Variants in LOXHD1 observed in about 807,000 individuals in gnomAD.
LOXHD1 encodes the protein lipoxygenase homology domain-containing protein 1.
Under a neutral mutation model 248.2 loss-of-function variants are expected in LOXHD1, and 205 were observed. The observed-to-expected ratio is 0.83, with a 90% CI of 0.74 to 0.93. LOXHD1 has a LOEUF of 0.93. Among genes scored for constraint, LOXHD1 ranks in the 40% least tolerant of loss-of-function variants. The pLI, the probability that LOXHD1 is intolerant of heterozygous loss-of-function variation, is 0.00. For synonymous variants in LOXHD1, 1,113 were observed against 1,162.8 expected (o/e 0.96, Z 0.87); for missense variants, 2,930 against 2,971.6 (o/e 0.99, Z 0.33).
At chr18:46,570,364 G>A (rs2037728675) in intron 15 of LOXHD1, among the ~76,000 whole-genome samples, 1 of 152,246 alleles carries the variant, frequency 6.6e-6, no homozygotes, top group African/African-American at 2.4e-5. Context: ...CTTGGGCAAA[G>A]AGGAGGAAGC....
intron 29 of LOXHD1, among the ~76,000 whole-genome samples, chr18:46,528,603 G>A (rs1335219744): frequency 6.6e-6 from 1 of 152,274 alleles, no homozygotes; most frequent in East Asian, 1.9e-4. Context: ...CTGGGAGGGA[G>A]TGGGGTGTCC....
chr18:46,560,734 T>C (rs1057004482), intron 18 of LOXHD1, among the ~76,000 whole-genome samples, 189 bp from the exon 19 acceptor site: 1 of 152,204 alleles, frequency 6.6e-6, no homozygotes, highest in African/African-American at 2.4e-5. Flanking sequence ...CTGGGTCCCC[T>C]GGGATTACCT....
chr18:46,576,020 C>G (rs554441727), intron 14 of LOXHD1, among the ~76,000 whole-genome samples: 1 of 152,312 alleles, frequency 6.6e-6, no homozygotes, highest in East Asian at 1.9e-4. Context: ...CTCAACATCC[C>G]TCTGCAGGCA....
At chr18:46,507,760 C>A (rs1194020168) in intron 35 of LOXHD1, 48 bp from the exon 36 acceptor site, 11 of 1,514,980 alleles carry the variant, frequency 7.3e-6, no homozygotes, top group Non-Finnish European at 8.0e-6. Context: ...TCCCTCACCT[C>A]CACCAGCACC....
chr18:46,500,479 C>T (rs1356661703), intron 37 of LOXHD1, among the ~76,000 whole-genome samples: 2 of 152,186 alleles, frequency 1.3e-5, no homozygotes, highest in Non-Finnish European at 2.9e-5. Flanking sequence ...TGCTTTTTCT[C>T]CATTCCCACT....
chr18:46,591,636 G>T lies in LOXHD1; in HGVS notation c.1654+297C>A, dbSNP rs558211320. ...GCAAGAGGATATTTCCTTTCAAGGA[G>T]GCTCTGGAGAACTATTGCTCAGGGC... is the stretch of plus-strand genomic sequence containing the variant. On this transcript the variant is annotated intron_variant, in intron 12 of 40. Transcript: ENST00000642948. Among the ~76,000 whole-genome samples, 6 of 152,288 alleles carry T rather than the reference G, an allele frequency of 3.9e-5. No homozygotes were observed. In the South Asian group the frequency reaches 1.2e-3, roughly 32 times the overall value.
intron 32 of LOXHD1, among the ~76,000 whole-genome samples, chr18:46,521,507 T>A (rs1278110521): frequency 6.6e-6 from 1 of 152,120 alleles, no homozygotes; most frequent in Non-Finnish European, 1.5e-5. Context: ...AAAGCATATC[T>A]AGATGTCAGA....
chr18:46,498,911 T>C (rs960198561), intron 37 of LOXHD1, among the ~76,000 whole-genome samples: 3 of 152,180 alleles, frequency 2.0e-5, no homozygotes, highest in Non-Finnish European at 2.9e-5. Flanking sequence ...TCTGATATAA[T>C]TGTTGCATCT....
At chr18:46,500,215 C>T (rs188424176) in intron 37 of LOXHD1, among the ~76,000 whole-genome samples, 25 of 152,310 alleles carry the variant, frequency 1.6e-4, no homozygotes, top group Non-Finnish European at 1.5e-5. Flanking sequence ...CTCTGTTATT[C>T]ACTCTTTATT....
chr18:46,490,881 G>C (rs2033423280), intron 37 of LOXHD1, among the ~76,000 whole-genome samples: 1 of 152,226 alleles, frequency 6.6e-6, no homozygotes, highest in African/African-American at 2.4e-5. Context: ...TGCTTTCTGA[G>C]ATGCTTCCTG....
intron 8 of LOXHD1, among the ~76,000 whole-genome samples, chr18:46,597,870 T>C (rs328139): frequency 0.76 from 115,384 of 151,280 alleles, 45,142 homozygotes; most frequent in Non-Finnish European, 0.86. Flanking sequence ...TGTTCTCCTG[T>C]CTCAGCTTCC....
chr18:46,494,650 T>G (rs2033711385), intron 37 of LOXHD1, among the ~76,000 whole-genome samples: 1 of 152,096 alleles, frequency 6.6e-6, no homozygotes, highest in Admixed American at 6.6e-5. Context: ...TCTCAGCATA[T>G]CCACCAAACT....
intron 20 of LOXHD1, chr18:46,558,164 G>A: frequency 1.6e-6 from 1 of 618,138 alleles, no homozygotes; most frequent in South Asian, 7.2e-5. Flanking sequence ...AAGTTCATAT[G>A]CCTTCATTTA....
At position 46,509,796 on chromosome 18, in the gene LOXHD1, C is replaced by T. The variant is rs2034840439; in HGVS notation, c.5419G>A (p.Asp1807Asn). ...TCTAGGATCTCCATGATGAAGGTGTCGTTCTGCTCCCGCTCAAACCTGGGG... is the reference window on the plus strand; with the variant it reads ...TCTAGGATCTCCATGATGAAGGTGTTGTTCTGCTCCCGCTCAAACCTGGGG... The part of the protein sequence containing the change: ...KKARFEREQN[D>N]TFIMEILDIA... The change falls in exon 35 of 41, where the codon GAC (aspartate) becomes AAC (asparagine). Residue 1807 changes from aspartate to asparagine, a missense_variant. By Grantham distance (23) the Asp-to-Asn change is conservative. Coordinates refer to ENST00000642948, the MANE Select transcript of LOXHD1 (RefSeq NM_001384474.1). The T allele has an allele frequency of 6.3e-6, 9 of 1,430,494 alleles. No homozygotes were observed. Among genetic ancestry groups the T allele is most frequent in the Middle Eastern group, 2.0e-4 (1 of 4,892 alleles). 88.6% of individuals were successfully genotyped at this position (1,430,494 alleles called of 1,614,324 possible).
At chr18:46,566,196 T>C in intron 17 of LOXHD1, 61 bp downstream of exon 17, 1 of 1,486,840 alleles carries the variant, frequency 6.7e-7, no homozygotes, top group Non-Finnish European at 9.0e-7. Context: ...CCCTCCTCCT[T>C]CCCCTCAGCC....
intron 40 of LOXHD1, among the ~76,000 whole-genome samples, chr18:46,480,650 A>G (rs1156719016): frequency 2.0e-5 from 3 of 152,202 alleles, no homozygotes; most frequent in Non-Finnish European, 2.9e-5. Context: ...AAAGGGGGGA[A>G]GGTGTCCAGC....
chr18:46,525,366 C>T (rs144603685), intron 29 of LOXHD1, among the ~76,000 whole-genome samples: 150 of 152,094 alleles, frequency 9.9e-4, no homozygotes, highest in African/African-American at 3.4e-3. Context: ...TTCTGAGTAA[C>T]GGGAGGGGGT....
At chr18:46,483,826 C>A (rs1409939191) in intron 39 of LOXHD1, 81 bp from the exon 40 acceptor site, 1 of 1,466,456 alleles carries the variant, frequency 6.8e-7, no homozygotes, top group Non-Finnish European at 9.2e-7. Flanking sequence ...CTGCTGCATT[C>A]CAAGCAGTGG....
intron 18 of LOXHD1, among the ~76,000 whole-genome samples, chr18:46,561,953 AC>A (rs2037538340): frequency 6.6e-6 from 1 of 152,096 alleles, no homozygotes; most frequent in Non-Finnish European, 1.5e-5. Context: ...GCCTTCATCC[AC>A]CACCACATCC....
Sources: gnomAD v4.1 joint callset for allele counts (sites outside exome capture counted in the v4.1 genomes callset) on GRCh38, gnomAD v4.1.1 for gene constraint, MANE v1.5 for transcripts, NCBI Gene and HGNC (gene_info 2026-07-23, HGNC 2026-07-21) for gene names.